Variants in HMGN2 observed in about 807,000 individuals in gnomAD.
HMGN2 encodes the protein high mobility group nucleosomal binding domain 2.
In HMGN2, 2 loss-of-function variants were observed where a neutral mutation model predicts 16.9. The ratio of observed to expected loss-of-function variants is 0.12; its 90% CI spans 0.05 to 0.37. The LOEUF is 0.37. Ranked by LOEUF, HMGN2 falls within the 10% of genes least tolerant of loss-of-function variation. HMGN2 has a pLI of 1.00. For missense variants in HMGN2, 90 were observed against 106.0 expected (o/e 0.85, Z 0.66); for synonymous variants, 31 against 34.9 (o/e 0.89, Z 0.39).
intron 1 of HMGN2, among the ~76,000 whole-genome samples, chr1:26,473,009 A>G (rs1570377590): frequency 7.0e-6 from 1 of 142,422 alleles, no homozygotes; most frequent in Non-Finnish European, 1.5e-5. Flanking sequence ...CGGGCGGGGG[A>G]AAGCGCTGCC....
chr1:26,474,929 A>G, intron 5 of HMGN2, 184 bp from the exon 6 acceptor site: 1 of 615,568 alleles, frequency 1.6e-6, no homozygotes. Flanking sequence ...TCAATTTTAC[A>G]GTGAGGCCCA....
Position 26,474,116 on chromosome 1 carries a change from C to T in HMGN2, c.122C>T (p.Pro41Leu), listed in dbSNP as rs764055977. 1.9e-6 allele frequency: 3 copies of T among 1,609,900 alleles called. No homozygotes were observed. Among genetic ancestry groups the T allele is most frequent in the East Asian group, 2.2e-5 (1 of 44,872 alleles). ...KPAPPKPEPK[P>L]KKAPAKKGEK... ...GCTCCTCCAAAGCCAGAGCCCAAGCCTAAAAAGGCCCCTGCAAAGGTAAGT... is the reference window on the plus strand; with the variant it reads ...GCTCCTCCAAAGCCAGAGCCCAAGCTTAAAAAGGCCCCTGCAAAGGTAAGT... Residue 41 changes from proline to leucine, a missense_variant, in exon 4 of 6, where the codon CCT (proline) becomes CTT (leucine). Transcript: ENST00000361427.
Position 26,473,974 on chromosome 1 carries a change from TGAG to T in HMGN2, c.91-101_91-99del, listed in dbSNP as rs909132591. The T allele has an allele frequency of 1.2e-4, 111 of 957,004 alleles. No individual in the cohort carries two copies. In the African/African-American group the frequency reaches 1.2e-3, roughly 10 times the overall value. 59.3% of individuals were successfully genotyped at this position (957,004 alleles called of 1,614,324 possible). Reference sequence around the variant, plus strand: ...GAAGAAAGCCAACCACAAAAACTTTTGAGGAGGAGGAGAAACTTCTCTACCCTT... The same window carrying T: ...GAAGAAAGCCAACCACAAAAACTTTTGAGGAGGAGAAACTTCTCTACCCTT... On this transcript the variant is annotated intron_variant, in intron 3 of 5. Transcript: ENST00000361427.
At position 26,476,312 on chromosome 1, in the gene HMGN2, C is replaced by G. The variant is rs946707749; in HGVS notation, c.*1164C>G. 9.9e-5 allele frequency among the ~76,000 whole-genome samples: 15 copies of G among 152,134 alleles called. No individual in the cohort carries two copies. Among genetic ancestry groups the G allele is most frequent in the African/African-American group, 3.6e-4 (15 of 41,428 alleles). On this transcript the variant is annotated 3_prime_UTR_variant, in exon 6 of 6. Transcript: ENST00000361427. ...GTTTTGGCTGGGTAGCTGACAGGAG[C>G]CTCTCTACTTCCATCTGCATTTGCA...
rs1218183799 is a variant in HMGN2, at chr1:26,474,684, A to G, written c.237+17A>G. On this transcript the variant is annotated intron_variant, in intron 5 of 5. Transcript: ENST00000361427. ...ACAGACCAGGTATAACTGCTGTTTC[A>G]CCCTTTGTTAGATTTGTTCATTCAG... 1 of 1,200,474 alleles carries G rather than the reference A, an allele frequency of 8.3e-7. No individual in the cohort carries two copies. Among genetic ancestry groups the G allele is most frequent in the Non-Finnish European group, 1.2e-6 (1 of 808,310 alleles). The allele number at this position is 1,200,474 out of a possible 1,614,324, so 74.4% of individuals were successfully genotyped here.
At chr1:26,472,651 C>T (rs950539554) in intron 1 of HMGN2, 24 bp downstream of exon 1, 19 of 1,526,848 alleles carry the variant, frequency 1.2e-5, no homozygotes, top group African/African-American at 2.8e-5. Flanking sequence ...GGGCCCCAGG[C>T]GCCGGGCCAC....
chr1:26,474,471 TTTATC>T, intron 4 of HMGN2, 96 bp from the exon 5 acceptor site: 1 of 684,086 alleles, frequency 1.5e-6, no homozygotes, highest in South Asian at 1.6e-5. Context: ...GGGTTTGTGT[TTTATC>T]TTGAGTAAAC....
At chr1:26,474,703 C>G in intron 5 of HMGN2, 36 bp downstream of exon 5, 1 of 1,011,240 alleles carries the variant, frequency 9.9e-7, no homozygotes, top group Non-Finnish European at 1.6e-6. Context: ...TAGATTTGTT[C>G]ATTCAGTTAG....
intron 5 of HMGN2, 191 bp downstream of exon 5, chr1:26,474,858 C>T: frequency 1.6e-6 from 1 of 612,344 alleles, no homozygotes; most frequent in Non-Finnish European, 2.9e-6. Context: ...GTGTTTTATA[C>T]TACATGAAGT....
chr1:26,473,790 A>G (rs2075591253), intron 3 of HMGN2, 58 bp downstream of exon 3: 13 of 1,517,464 alleles, frequency 8.6e-6, no homozygotes, highest in Admixed American at 6.7e-5. Context: ...ACATCAAAAA[A>G]CAATTCCCTT....
At chr1:26,473,139 G>T in intron 1 of HMGN2, 1 of 301,030 alleles carries the variant, frequency 3.3e-6, no homozygotes, top group Non-Finnish European at 6.2e-6. Flanking sequence ...GGCTGCGCGC[G>T]CCTCCCTCTC....
rs970765686 is a variant in HMGN2 at position 26,475,373 on chromosome 1, C to T, written c.*225C>T. 2.2e-5 allele frequency: 9 copies of T among 406,978 alleles called. No individual in the cohort carries two copies. Among genetic ancestry groups the T allele is most frequent in the East Asian group, 1.9e-4 (5 of 25,702 alleles). The allele number at this position is 406,978 out of a possible 1,614,324, so 25.2% of individuals were successfully genotyped here. A position where few individuals can be genotyped will look rare whatever the true frequency, so the allele number is the denominator to read the frequency against. On this transcript the variant is annotated 3_prime_UTR_variant, in exon 6 of 6. Coordinates refer to ENST00000361427, the MANE Select transcript of HMGN2 (RefSeq NM_005517.4). ...GGATTGATGTGGAGAAAACACCTTT[C>T]CCTTCTAGTTTTGAGAGACTTCCTC... is the stretch of plus-strand genomic sequence containing the variant.
At position 26,474,076 on chromosome 1, in the gene HMGN2, CA is replaced by C. The variant is rs1357946633; in HGVS notation, c.91-2del. The C allele has an allele frequency of 6.2e-7, 1 of 1,608,092 alleles. No homozygotes were observed. Among genetic ancestry groups the C allele is most frequent in the Non-Finnish European group, 8.5e-7 (1 of 1,178,040 alleles). ...TGTTCACTTTTTCCTCTCTTCCTGC[CA>C]AAAAAAGAAACCTGCTCCTCCAAAG... On this transcript the variant is annotated splice_polypyrimidine_tract_variant and splice_region_variant and intron_variant, in intron 3 of 5. Transcript: ENST00000361427.
At chr1:26,473,767 C>G in intron 3 of HMGN2, 35 bp downstream of exon 3, 16 of 1,605,736 alleles carry the variant, frequency 1.0e-5, no homozygotes, top group Non-Finnish European at 1.4e-5. Flanking sequence ...GTGCTTGTCC[C>G]TGAAACTAAA....
At chr1:26,473,446 C>G (rs1331720498) in intron 1 of HMGN2, 37 bp from the exon 2 acceptor site, 1 of 1,533,080 alleles carries the variant, frequency 6.5e-7, no homozygotes, top group Non-Finnish European at 9.0e-7. Flanking sequence ...TAAGAACCAC[C>G]TCAAAATCTG....
intron 1 of HMGN2, chr1:26,473,126 C>T (rs1416375265): frequency 6.8e-6 from 2 of 293,440 alleles, no homozygotes; most frequent in Non-Finnish European, 1.3e-5. Context: ...CACGAGTTCC[C>T]CGGGCTGCGC....
chr1:26,473,439 GA>G lies in HMGN2; in HGVS notation c.16-42del, dbSNP rs769396374. ...ACTCTAAAGTTTGGGAAGTAATTAA[GA>G]ACCACCTCAAAATCTGCAGTTTTTT... On this transcript the variant is annotated intron_variant, in intron 1 of 5. Transcript: ENST00000361427. 39 of 1,439,076 alleles carry G rather than the reference GA, an allele frequency of 2.7e-5. No individual in the cohort carries two copies. The Middle Eastern group carries it at 5.3e-4, about 19-fold the overall frequency. The allele number at this position is 1,439,076 out of a possible 1,614,324, so 89.1% of individuals were successfully genotyped here.
chr1:26,473,253 G>C (rs745438706), intron 1 of HMGN2: 1 of 553,628 alleles, frequency 1.8e-6, no homozygotes, highest in African/African-American at 1.9e-5. Flanking sequence ...GGTGGTGCGG[G>C]CTCCGCTGCC....
Position 26,475,181 on chromosome 1 carries a change from G to A in HMGN2, c.*33G>A, listed in dbSNP as rs758726603. The A allele has an allele frequency of 2.9e-6, 4 of 1,362,804 alleles. No individual in the cohort carries two copies. The African/African-American group carries it at 5.7e-5, about 20-fold the overall frequency. The allele number at this position is 1,362,804 out of a possible 1,614,324, so 84.4% of individuals were successfully genotyped here. On this transcript the variant is annotated 3_prime_UTR_variant, in exon 6 of 6. Coordinates refer to ENST00000361427, the MANE Select transcript of HMGN2 (RefSeq NM_005517.4). ...GCATTTTTGATAACTGTGTACTTCT[G>A]GTGACTGTACAGTTTGAAATACTAT...
Sources: allele counts gnomAD v4.1 joint callset (sites outside exome capture counted in the v4.1 genomes callset), GRCh38; gene constraint gnomAD v4.1.1; transcripts MANE v1.5; gene names NCBI Gene and HGNC (gene_info 2026-07-23, HGNC 2026-07-21).